AKR1C8: variants seen among roughly 807,000 people sequenced by gnomAD.
The protein encoded by AKR1C8 is aldo-keto reductase family 1 member C-like protein 1.
chr10:5,157,828 TG>T, the AKR1C8 span: 1 of 459,256 alleles, frequency 2.2e-6, no homozygotes, highest in Admixed American at 2.4e-5. Context: ...GACACAGATG[TG>T]AAGGATGCAG....
chr10:5,183,238 A>G, the AKR1C8 span, among the ~76,000 whole-genome samples: 1 of 152,192 alleles, frequency 6.6e-6, no homozygotes, highest in South Asian at 2.1e-4. Flanking sequence ...GTTCTGAACA[A>G]TTATCCTACA....
At chr10:5,116,647 A>G in the AKR1C8 span, among the ~76,000 whole-genome samples, 1 of 152,194 alleles carries the variant, frequency 6.6e-6, no homozygotes, top group Non-Finnish European at 1.5e-5. Flanking sequence ...GAATCACTAT[A>G]TAATCACACA....
chr10:5,148,872 C>T, the AKR1C8 span, among the ~76,000 whole-genome samples: 5 of 151,824 alleles, frequency 3.3e-5, no homozygotes, highest in African/African-American at 9.7e-5. Flanking sequence ...CTATGTCATA[C>T]CAGGAAGTCT....
chr10:5,145,521 T>C, the AKR1C8 span, among the ~76,000 whole-genome samples: 1 of 151,894 alleles, frequency 6.6e-6, no homozygotes, highest in South Asian at 2.1e-4. Context: ...AACAACCCCA[T>C]CAAAAAGTGG....
the AKR1C8 span, among the ~76,000 whole-genome samples, chr10:5,167,715 C>T: frequency 2.0e-5 from 3 of 151,986 alleles, no homozygotes; most frequent in African/African-American, 4.8e-5. Flanking sequence ...ACCAACATGG[C>T]ACATGTATAC....
At chr10:5,144,139 C>T in the AKR1C8 span, among the ~76,000 whole-genome samples, 1 of 152,044 alleles carries the variant, frequency 6.6e-6, no homozygotes, top group Non-Finnish European at 1.5e-5. Flanking sequence ...GAATCCTTTC[C>T]CCATTGCTTG....
chr10:5,183,771 TAC>T, the AKR1C8 span, among the ~76,000 whole-genome samples: 3 of 151,668 alleles, frequency 2.0e-5, no homozygotes, highest in African/African-American at 7.3e-5. Context: ...AAAATCAGAC[TAC>T]ACACACAGAT....
chr10:5,185,044 C>G, the AKR1C8 span: 1 of 534,632 alleles, frequency 1.9e-6, no homozygotes, highest in African/African-American at 1.9e-5. Flanking sequence ...AATCCCAGCA[C>G]TGGCATGAAG....
At chr10:5,160,921 A>T in the AKR1C8 span, 1 of 470,492 alleles carries the variant, frequency 2.1e-6, no homozygotes, top group Non-Finnish European at 4.4e-6. Flanking sequence ...AAAGAAGGAC[A>T]TTTTCTATGG....
chr10:5,174,576 C>T, the AKR1C8 span, among the ~76,000 whole-genome samples: 1 of 151,884 alleles, frequency 6.6e-6, no homozygotes, highest in Non-Finnish European at 1.5e-5. Context: ...AGAGAAATAA[C>T]CACACCTCTA....
chr10:5,130,986 T>A, the AKR1C8 span, among the ~76,000 whole-genome samples: 1 of 151,928 alleles, frequency 6.6e-6, no homozygotes, highest in Admixed American at 6.6e-5. Flanking sequence ...AGTATTAATA[T>A]AAAAATAGGC....
At chr10:5,179,823 T>A in the AKR1C8 span, among the ~76,000 whole-genome samples, 1,209 of 152,312 alleles carry the variant, frequency 7.9e-3, 15 homozygotes, top group African/African-American at 0.024. Context: ...TTTCAGCTCC[T>A]TCAGCTCCTT....
chr10:5,126,670 A>C, the AKR1C8 span, among the ~76,000 whole-genome samples: 1 of 152,236 alleles, frequency 6.6e-6, no homozygotes, highest in South Asian at 2.1e-4. Flanking sequence ...AAATTGAATA[A>C]ATAAAAAAGT....
chr10:5,177,766 T>A, the AKR1C8 span, among the ~76,000 whole-genome samples: 2 of 152,216 alleles, frequency 1.3e-5, no homozygotes, highest in Non-Finnish European at 2.9e-5. Context: ...TTTATTTGCA[T>A]AGAGGTGTTT....
the AKR1C8 span, among the ~76,000 whole-genome samples, chr10:5,116,631 G>C: frequency 6.1e-4 from 93 of 152,258 alleles, 1 homozygote; most frequent in South Asian, 0.019. Flanking sequence ...ATTGGCTACA[G>C]GCCATGAATC....
the AKR1C8 span, among the ~76,000 whole-genome samples, chr10:5,119,602 C>T: frequency 6.6e-6 from 1 of 152,014 alleles, no homozygotes; most frequent in African/African-American, 2.4e-5. Context: ...AACAAACATC[C>T]TCATATTCAA....
At chr10:5,166,360 A>G in the AKR1C8 span, among the ~76,000 whole-genome samples, 1 of 152,208 alleles carries the variant, frequency 6.6e-6, no homozygotes, top group Non-Finnish European at 1.5e-5. Context: ...ACAAAGCTGG[A>G]GGCATCATGC....
chr10:5,138,721 G>A, the AKR1C8 span, among the ~76,000 whole-genome samples: 51 of 152,030 alleles, frequency 3.4e-4, no homozygotes, highest in South Asian at 1.0e-3. Flanking sequence ...AGCTCCAGTC[G>A]GTCCCTCCAT....
the AKR1C8 span, among the ~76,000 whole-genome samples, chr10:5,162,668 G>C: frequency 6.6e-6 from 1 of 152,158 alleles, no homozygotes; most frequent in East Asian, 1.9e-4. Context: ...GATGCTCAGA[G>C]ACACTGAAGA....
Sources: allele counts gnomAD v4.1 joint callset (sites outside exome capture counted in the v4.1 genomes callset), GRCh38; gene constraint gnomAD v4.1.1; transcripts MANE v1.5; gene names NCBI Gene and HGNC (gene_info 2026-07-23, HGNC 2026-07-21).